The following HSPA6 variants were observed in gnomAD, a reference collection of about 807,000 sequenced individuals.
HSPA6 encodes heat shock 70 kDa protein 6.
For synonymous variants in HSPA6, 312 were observed against 368.2 expected (o/e 0.85, Z 1.75); for missense variants, 718 against 860.9 (o/e 0.83, Z 2.08).
chr1:161,525,258 T>C lies in HSPA6; in HGVS notation c.600T>C (p.Phe200=). The C allele has an allele frequency of 6.2e-7, 1 of 1,614,076 alleles. No individual in the cohort carries two copies. The highest frequency in any genetic ancestry group is 8.5e-7 in the Non-Finnish European group (1 of 1,179,954). ...CGGGAGAGCGCAACGTGCTCATTTT[T>C]GACCTGGGTGGGGGCACCTTCGATG... The part of the protein sequence containing the change: ...RGAGERNVLI[F]DLGGGTFDVS... The change falls in exon 1 of 1, where the codon TTT becomes TTC. Residue 200 remains phenylalanine, a synonymous_variant. Transcript: ENST00000309758.
chr1:161,526,384 T>A lies in HSPA6; in HGVS notation c.1726T>A (p.Cys576Ser). The A allele has an allele frequency of 6.3e-7, 1 of 1,599,058 alleles. No individual in the cohort carries two copies. Among genetic ancestry groups the A allele is most frequent in the Non-Finnish European group, 8.5e-7 (1 of 1,171,956 alleles). Residue 576 changes from cysteine (C) to serine (S), a missense_variant, in exon 1 of 1, where the codon TGT (cysteine) becomes AGT (serine). Cys to Ser is a moderately radical substitution (Grantham distance 112, BLOSUM62 -1). Transcript: ENST00000309758. ...GGACAGGCGCAAAATGCAAGACAAG[T>A]GTCGGGAAGTCCTTGCCTGGCTGGA... is the stretch of plus-strand genomic sequence containing the variant. ...EEDRRKMQDK[C>S]REVLAWLEHN...
chr1:161,525,853 G>T lies in HSPA6; in HGVS notation c.1195G>T (p.Ala399Ser), dbSNP rs559953007. The T allele has an allele frequency of 1.9e-6, 3 of 1,593,890 alleles. No homozygotes were observed. The African/African-American group carries it at 4.0e-5, about 21-fold the overall frequency. The change falls in exon 1 of 1, where the codon GCT (alanine) becomes TCT (serine). Residue 399 changes from alanine (A) to serine (S), a missense_variant. Coordinates refer to ENST00000309758, the MANE Select transcript of HSPA6 (RefSeq NM_002155.5). ...GCAGGATCTCCTGCTGCTGGATGTG[G>T]CTCCCCTGTCTCTGGGGCTGGAGAC... Reference protein sequence around the residue: ...KVQDLLLLDVAPLSLGLETAG... With the variant: ...KVQDLLLLDVSPLSLGLETAG...
Position 161,525,565 on chromosome 1 carries a change from C to T in HSPA6, c.907C>T (p.Arg303Cys), listed in dbSNP as rs1676657328. The T allele has an allele frequency of 2.5e-6, 4 of 1,613,442 alleles. No homozygotes were observed. The highest frequency in any genetic ancestry group is 3.4e-6 in the Non-Finnish European group (4 of 1,179,676). The change falls in exon 1 of 1, where the codon CGC (arginine) becomes TGC (cysteine). Residue 303 changes from arginine (R) to cysteine (C), a missense_variant. By Grantham distance (180) the Arg-to-Cys change is radical. Transcript: ENST00000309758. ...VDFYTSITRA[R>C]FEELCSDLFR... ...CTTCTACACGTCCATCACTCGTGCC[C>T]GCTTTGAGGAACTGTGCTCAGACCT...
chr1:161,526,156 G>C lies in HSPA6; in HGVS notation c.1498G>C (p.Ala500Pro), dbSNP rs1489117415. ...AGCCACTGACAGGAGCACAGGTAAG[G>C]CTAACAAGATCACCATCACCAATGA... ...VTATDRSTGK[A>P]NKITITNDKG... is the part of the protein sequence containing the mutation. Residue 500 changes from alanine (A) to proline (P), a missense_variant, in exon 1 of 1, where the codon GCT becomes CCT. Transcript: ENST00000309758. 3.1e-6 allele frequency: 5 copies of C among 1,613,832 alleles called. 1 individual carries two copies. The South Asian group carries it at 5.5e-5, about 18-fold the overall frequency.
Position 161,524,563 on chromosome 1 carries a change from G to C in HSPA6, c.-96G>C, listed in dbSNP as rs1676611770. The C allele has an allele frequency of 2.1e-6, 3 of 1,417,014 alleles. No homozygotes were observed. The Admixed American group carries it at 5.9e-5, about 28-fold the overall frequency. The allele number at this position is 1,417,014 out of a possible 1,614,324, so 87.8% of individuals were successfully genotyped here. A position where few individuals can be genotyped will look rare whatever the true frequency, so the allele number is the denominator to read the frequency against. On this transcript the variant is annotated 5_prime_UTR_variant, in exon 1 of 1. Coordinates refer to ENST00000309758, the MANE Select transcript of HSPA6 (RefSeq NM_002155.5). ...GCAGATCCGAGCCGGGCTGGCTGCAGAGAAACCGCAGGGAGAGCCTCACTG... is the reference window on the plus strand; with the variant it reads ...GCAGATCCGAGCCGGGCTGGCTGCACAGAAACCGCAGGGAGAGCCTCACTG...
chr1:161,526,222 C>T lies in HSPA6; in HGVS notation c.1564C>T (p.His522Tyr), dbSNP rs969882012. 1 of 1,613,880 alleles carries T rather than the reference C, an allele frequency of 6.2e-7. No homozygotes were observed. The highest frequency in any genetic ancestry group is 1.3e-5 in the African/African-American group (1 of 74,966). Residue 522 changes from histidine to tyrosine, a missense_variant, in exon 1 of 1, where the codon CAT becomes TAT. By Grantham distance (83) the His-to-Tyr change is moderately conservative. Coordinates refer to ENST00000309758, the MANE Select transcript of HSPA6 (RefSeq NM_002155.5). ...CAAGGAGGAGGTGGAGAGGATGGTT[C>T]ATGAAGCCGAGCAGTACAAGGCTGA... is the stretch of plus-strand genomic sequence containing the variant. Reference protein sequence around the residue: ...LSKEEVERMVHEAEQYKAEDE... With the variant: ...LSKEEVERMVYEAEQYKAEDE...
chr1:161,525,190 C>A lies in HSPA6; in HGVS notation c.532C>A (p.Pro178Thr). 6.2e-7 allele frequency: 1 copy of A among 1,613,956 alleles called. No individual in the cohort carries two copies. The highest frequency in any genetic ancestry group is 1.7e-5 in the Admixed American group (1 of 60,010). The change falls in exon 1 of 1, where the codon CCC becomes ACC. Residue 178 changes from proline (P) to threonine (T), a missense_variant. Physicochemically the swap from Pro to Thr is conservative, Grantham distance 38. Transcript: ENST00000309758. Reference protein sequence around the residue: ...GLNVLRIINEPTAAAIAYGLD... With the variant: ...GLNVLRIINETTAAAIAYGLD... ...CAACGTGTTGCGGATCATCAATGAG[C>A]CCACGGCAGCTGCCATCGCCTATGG...
Position 161,526,687 on chromosome 1 carries a change from C to T in HSPA6, c.*97C>T. 5 of 1,306,674 alleles carry T rather than the reference C, an allele frequency of 3.8e-6. No individual in the cohort carries two copies. Among genetic ancestry groups the T allele is most frequent in the Non-Finnish European group, 5.1e-6 (5 of 985,646 alleles). The allele number at this position is 1,306,674 out of a possible 1,614,324, so 80.9% of individuals were successfully genotyped here. ...TCCTGCCCTTCAGAGATGAACTTTC[C>T]CTCCAAAGCTAGAACTTTCTTCCCA... On this transcript the variant is annotated 3_prime_UTR_variant, in exon 1 of 1. Transcript: ENST00000309758.
chr1:161,526,747 G>A lies in HSPA6; in HGVS notation c.*157G>A, dbSNP rs1239255573. The stretch of plus-strand genomic sequence containing the variant: ...AAGTCTTTTGACTTTTTGCGGGGAG[G>A]GCGGTTCATCCTCTTCTGCTTCAAA... On this transcript the variant is annotated 3_prime_UTR_variant, in exon 1 of 1. Coordinates refer to ENST00000309758, the MANE Select transcript of HSPA6 (RefSeq NM_002155.5). The A allele has an allele frequency of 3.1e-6, 2 of 645,714 alleles. No homozygotes were observed. Among genetic ancestry groups the A allele is most frequent in the East Asian group, 5.9e-5 (2 of 33,682 alleles). 40.0% of individuals were successfully genotyped at this position (645,714 alleles called of 1,614,324 possible). A position where few individuals can be genotyped will look rare whatever the true frequency, so the allele number is the denominator to read the frequency against.
Position 161,525,804 on chromosome 1 carries a change from G to T in HSPA6, c.1146G>T (p.Leu382Phe). Residue 382 changes from leucine (L) to phenylalanine (F), a missense_variant, in exon 1 of 1, where the codon TTG becomes TTT. Physicochemically the swap from Leu to Phe is conservative, Grantham distance 22. Transcript: ENST00000309758. ...AYGAAVQAAVLMGDKCEKVQD... is the reference protein window; with the variant it reads ...AYGAAVQAAVFMGDKCEKVQD... ...GGGCTGCTGTGCAGGCGGCCGTGTT[G>T]ATGGGGGACAAATGTGAGAAAGTGC... The T allele has an allele frequency of 6.3e-7, 1 of 1,598,702 alleles. No homozygotes were observed. Among genetic ancestry groups the T allele is most frequent in the Non-Finnish European group, 8.5e-7 (1 of 1,170,934 alleles).
At position 161,525,967 on chromosome 1, in the gene HSPA6, C is replaced by A; in HGVS notation, c.1309C>A (p.Gln437Lys). The change falls in exon 1 of 1, where the codon CAG becomes AAG. Residue 437 changes from glutamine (Q) to lysine (K), a missense_variant. Gln to Lys is a moderately conservative substitution (Grantham distance 53). Transcript: ENST00000309758. ...TQTFTTYSDN[Q>K]PGVFIQVYEG... is the part of the protein sequence containing the mutation. ...GACTTTCACCACCTACTCGGACAAC[C>A]AGCCTGGGGTCTTCATCCAGGTGTA... The A allele has an allele frequency of 6.2e-7, 1 of 1,613,600 alleles. No individual in the cohort carries two copies. The highest frequency in any genetic ancestry group is 8.5e-7 in the Non-Finnish European group (1 of 1,179,816).
In HSPA6 at chr1:161,525,686, C is replaced by T; in HGVS notation, c.1028C>T (p.Thr343Ile). 1 of 1,613,868 alleles carries T rather than the reference C, an allele frequency of 6.2e-7. No homozygotes were observed. Among genetic ancestry groups the T allele is most frequent in the Non-Finnish European group, 8.5e-7 (1 of 1,179,864 alleles). ...GACGTCGTCCTGGTGGGGGGCTCCA[C>T]ACGCATCCCCAAGGTGCAGAAGTTG... ...IHDVVLVGGS[T>I]RIPKVQKLLQ... Residue 343 changes from threonine to isoleucine, a missense_variant, in exon 1 of 1, where the codon ACA (threonine) becomes ATA (isoleucine). Thr to Ile is a moderately conservative substitution (Grantham distance 89). Coordinates refer to ENST00000309758, the MANE Select transcript of HSPA6 (RefSeq NM_002155.5).
At position 161,524,772 on chromosome 1, in the gene HSPA6, C is replaced by G. The variant is rs890847727; in HGVS notation, c.114C>G (p.Arg38=). ...TCCTGGCCAACGACCAGGGCAACCG[C>G]ACCACGCCCAGCTACGTGGCCTTCA... ...VEILANDQGN[R]TTPSYVAFTD... The change falls in exon 1 of 1, where the codon CGC becomes CGG. Residue 38 remains arginine (R), a synonymous_variant. Coordinates refer to ENST00000309758, the MANE Select transcript of HSPA6 (RefSeq NM_002155.5). 3.9e-6 allele frequency: 6 copies of G among 1,557,212 alleles called. No homozygotes were observed. The highest frequency in any genetic ancestry group is 5.2e-6 in the Non-Finnish European group (6 of 1,143,580).
In HSPA6 at chr1:161,526,030, C is replaced by A; in HGVS notation, c.1372C>A (p.Leu458Met). ...ERAMTKDNNL[L>M]GRFELSGIPP... ...GGCCATGACCAAGGACAACAACCTG[C>A]TGGGGCGTTTTGAACTCAGTGGCAT... The change falls in exon 1 of 1, where the codon CTG (leucine) becomes ATG (methionine). Residue 458 changes from leucine to methionine, a missense_variant. Leu to Met is a conservative substitution (Grantham distance 15). Coordinates refer to ENST00000309758, the MANE Select transcript of HSPA6 (RefSeq NM_002155.5). The A allele has an allele frequency of 1.2e-6, 2 of 1,613,732 alleles. No individual in the cohort carries two copies. The highest frequency in any genetic ancestry group is 1.7e-6 in the Non-Finnish European group (2 of 1,179,812).
In HSPA6 at chr1:161,526,063, G is replaced by A. The variant is rs1268153113; in HGVS notation, c.1405G>A (p.Ala469Thr). 8 of 1,613,866 alleles carry A rather than the reference G, an allele frequency of 5.0e-6. No individual in the cohort carries two copies. The highest frequency in any genetic ancestry group is 1.6e-4 in the Middle Eastern group (1 of 6,062). Residue 469 changes from alanine (A) to threonine (T), a missense_variant, in exon 1 of 1, where the codon GCC (alanine) becomes ACC (threonine). By Grantham distance (58) the Ala-to-Thr change is moderately conservative. Transcript: ENST00000309758. ...GRFELSGIPP[A>T]PRGVPQIEVT... ...TTTTGAACTCAGTGGCATCCCTCCT[G>A]CCCCACGTGGAGTCCCCCAGATAGA...
rs1676685119 is a variant in HSPA6, at chr1:161,526,013, C to G, written c.1355C>G (p.Thr452Ser). The change falls in exon 1 of 1, where the codon ACC (threonine) becomes AGC (serine). Residue 452 changes from threonine to serine, a missense_variant. Coordinates refer to ENST00000309758, the MANE Select transcript of HSPA6 (RefSeq NM_002155.5). ...GTGTATGAGGGTGAGAGGGCCATGA[C>G]CAAGGACAACAACCTGCTGGGGCGT... ...IQVYEGERAM[T>S]KDNNLLGRFE... is the part of the protein sequence containing the mutation. 6.2e-7 allele frequency: 1 copy of G among 1,613,644 alleles called. No individual in the cohort carries two copies. The highest frequency in any genetic ancestry group is 1.1e-5 in the South Asian group (1 of 91,030).
chr1:161,525,730 G>C lies in HSPA6; in HGVS notation c.1072G>C (p.Gly358Arg), dbSNP rs200985857. Residue 358 changes from glycine to arginine, a missense_variant, in exon 1 of 1, where the codon GGC becomes CGC. Transcript: ENST00000309758. ...GAAGTTGCTGCAGGACTTCTTCAAC[G>C]GCAAGGAGCTGAACAAGAGCATCAA... ...VQKLLQDFFNGKELNKSINPD... is the reference protein window; with the variant it reads ...VQKLLQDFFNRKELNKSINPD... 165 of 1,610,932 alleles carry C rather than the reference G, an allele frequency of 1.0e-4. 1 individual carries two copies. Among genetic ancestry groups the C allele is most frequent in the Non-Finnish European group, 1.3e-4 (157 of 1,178,534 alleles).
In HSPA6 at chr1:161,526,363, A is replaced by T. The variant is rs1416215277; in HGVS notation, c.1705A>T (p.Arg569Trp). The change falls in exon 1 of 1, where the codon AGG (arginine) becomes TGG (tryptophan). Residue 569 changes from arginine to tryptophan, a missense_variant. Physicochemically the swap from Arg to Trp is moderately radical, Grantham distance 101. Coordinates refer to ENST00000309758, the MANE Select transcript of HSPA6 (RefSeq NM_002155.5). ...TAGGGACAAGATTCCCGAAGAGGAC[A>T]GGCGCAAAATGCAAGACAAGTGTCG... ...SLRDKIPEED[R>W]RKMQDKCREV... The T allele has an allele frequency of 2.5e-6, 4 of 1,602,800 alleles. 1 individual carries two copies. Among genetic ancestry groups the T allele is most frequent in the East Asian group, 2.3e-5 (1 of 44,310 alleles).
Position 161,525,309 on chromosome 1 carries a change from T to G in HSPA6, c.651T>G (p.Gly217=). 1 of 1,613,924 alleles carries G rather than the reference T, an allele frequency of 6.2e-7. No individual in the cohort carries two copies. The highest frequency in any genetic ancestry group is 8.5e-7 in the Non-Finnish European group (1 of 1,179,938). Residue 217 remains glycine, a synonymous_variant, in exon 1 of 1, where the codon GGT becomes GGG. Coordinates refer to ENST00000309758, the MANE Select transcript of HSPA6 (RefSeq NM_002155.5). ...TGTCGGTTCTCTCCATTGACGCTGG[T>G]GTCTTTGAGGTGAAAGCCACTGCTG... The part of the protein sequence containing the change: ...FDVSVLSIDA[G]VFEVKATAGD...
Sources: gnomAD v4.1 joint callset for allele counts on GRCh38, gnomAD v4.1.1 for gene constraint, MANE v1.5 for transcripts, NCBI Gene and HGNC (gene_info 2026-07-23, HGNC 2026-07-21) for gene names.